The following NRXN1 variants were observed in gnomAD, a reference collection of about 807,000 sequenced individuals.
NRXN1 encodes neurexin-1.
Under a neutral mutation model 150.9 loss-of-function variants are expected in NRXN1, and 39 were observed. The observed-to-expected ratio is 0.26, with a 90% CI of 0.20 to 0.34. The LOEUF (loss-of-function observed/expected upper bound fraction) is 0.34. Among genes scored for constraint, NRXN1 ranks in the 10% least tolerant of loss-of-function variants. The pLI, the probability that NRXN1 is intolerant of heterozygous loss-of-function variation, is 1.00. For missense variants in NRXN1, 1,815 were observed against 1,949.9 expected, an observed-to-expected ratio of 0.93 and a Z score of 1.30; for synonymous variants, 924 against 757.0, an observed-to-expected ratio of 1.22 and a Z score of -3.62.
At chr2:50,371,939 T>C (rs1479195185) in intron 17 of NRXN1, among the ~76,000 whole-genome samples, 1 of 152,030 alleles carries the variant, frequency 6.6e-6, no homozygotes, top group East Asian at 1.9e-4. Flanking sequence ...GTTATCATGG[T>C]TCAAAGCTTG....
chr2:50,834,165 G>C (rs978380105), intron 5 of NRXN1, among the ~76,000 whole-genome samples: 1 of 151,976 alleles, frequency 6.6e-6, no homozygotes, highest in Non-Finnish European at 1.5e-5. Flanking sequence ...AAAAAACTGA[G>C]AAGTAGTCAA....
chr2:49,927,862 A>C (rs943797480), intron 22 of NRXN1, among the ~76,000 whole-genome samples: 3 of 152,126 alleles, frequency 2.0e-5, no homozygotes, highest in Non-Finnish European at 4.4e-5. Context: ...CTTCCACTGT[A>C]ATCTTATATA....
intron 18 of NRXN1, among the ~76,000 whole-genome samples, chr2:50,182,495 A>G (rs888023969): frequency 1.3e-5 from 2 of 151,938 alleles, no homozygotes; most frequent in African/African-American, 4.8e-5. Flanking sequence ...GGCTCTCAAT[A>G]TGTTTGGATT....
intron 21 of NRXN1, among the ~76,000 whole-genome samples, chr2:49,947,419 G>A (rs1037246129): frequency 1.3e-5 from 2 of 151,466 alleles, no homozygotes; most frequent in Non-Finnish European, 1.5e-5. Context: ...GGAATTCTGA[G>A]GTCTGCTACT....
chr2:50,417,481 A>G (rs2083627434), intron 17 of NRXN1, among the ~76,000 whole-genome samples: 1 of 151,948 alleles, frequency 6.6e-6, no homozygotes, highest in African/African-American at 2.4e-5. Context: ...ATTTTTGACA[A>G]TGTTAAAACC....
intron 5 of NRXN1, among the ~76,000 whole-genome samples, chr2:50,764,947 C>A (rs1480088692): frequency 6.6e-6 from 1 of 151,974 alleles, no homozygotes; most frequent in Non-Finnish European, 1.5e-5. Flanking sequence ...ATGGAATTTG[C>A]AGAATCACTT....
At chr2:50,843,849 C>T (rs185835820) in intron 5 of NRXN1, among the ~76,000 whole-genome samples, 81 of 152,290 alleles carry the variant, frequency 5.3e-4, no homozygotes, top group Non-Finnish European at 9.3e-4. Flanking sequence ...TTCCCTCAAA[C>T]GTCTCACAAT....
intron 8 of NRXN1, among the ~76,000 whole-genome samples, chr2:50,609,713 T>C (rs954439114): frequency 1.3e-5 from 2 of 152,284 alleles, no homozygotes; most frequent in South Asian, 4.1e-4. Flanking sequence ...TTGTTATTCC[T>C]GTTTAATTCA....
intron 9 of NRXN1, among the ~76,000 whole-genome samples, chr2:50,541,869 C>A (rs890818159): frequency 1.3e-5 from 2 of 152,084 alleles, no homozygotes; most frequent in African/African-American, 4.8e-5. Context: ...TGTTGTAACC[C>A]ATGGTACAAA....
At chr2:50,828,250 G>A (rs911625172) in intron 5 of NRXN1, among the ~76,000 whole-genome samples, 2 of 149,290 alleles carry the variant, frequency 1.3e-5, no homozygotes, top group African/African-American at 4.9e-5. Context: ...CTCCCGGACG[G>A]GGCGGCTGGC....
At chr2:50,796,383 C>T (rs1046385056) in intron 5 of NRXN1, among the ~76,000 whole-genome samples, 3 of 152,128 alleles carry the variant, frequency 2.0e-5, no homozygotes, top group African/African-American at 7.2e-5. Flanking sequence ...CTTCTGGCCA[C>T]ACGGGTAATA....
At chr2:50,559,607 A>T (rs1485801825) in intron 8 of NRXN1, among the ~76,000 whole-genome samples, 1 of 152,190 alleles carries the variant, frequency 6.6e-6, no homozygotes, top group African/African-American at 2.4e-5. Flanking sequence ...CAACACATAT[A>T]CACATAGACA....
At chr2:50,022,977 A>C (rs2152561371) in intron 21 of NRXN1, 1 of 152,322 alleles carries the variant, frequency 6.6e-6, no homozygotes, top group Admixed American at 6.5e-5. Context: ...TGCTGAAATT[A>C]AGTAGTACTA....
chr2:50,935,912 A>G (rs1688477552), intron 2 of NRXN1, among the ~76,000 whole-genome samples: 1 of 152,138 alleles, frequency 6.6e-6, no homozygotes, highest in South Asian at 2.1e-4. Flanking sequence ...TTCCAAGTCT[A>G]TTTTCAGTGT....
rs1451723514 is a variant in NRXN1 at position 50,716,864 on chromosome 2, T to C, written c.833-93249A>G. Among the ~76,000 whole-genome samples, 7 of 152,302 alleles carry C rather than the reference T, an allele frequency of 4.6e-5. No homozygotes were observed. In the South Asian group the frequency reaches 1.4e-3, roughly 32 times the overall value. ...AATTTAACAATAATTCCTATAATAT[T>C]TTATGATGTCTCTTCTATTAGTTGC... On this transcript the variant is annotated intron_variant, in intron 5 of 22. Transcript: ENST00000401669.
intron 17 of NRXN1, among the ~76,000 whole-genome samples, chr2:50,408,909 T>C (rs1004321847): frequency 2.7e-5 from 4 of 149,754 alleles, no homozygotes; most frequent in African/African-American, 7.3e-5. Flanking sequence ...CTGCACCTTT[T>C]CAGAACATCA....
chr2:50,058,049 A>G (rs1693920755), intron 19 of NRXN1, among the ~76,000 whole-genome samples: 1 of 152,226 alleles, frequency 6.6e-6, no homozygotes, highest in Non-Finnish European at 1.5e-5. Context: ...TTTTAAAAAG[A>G]TCACATAAAC....
At chr2:50,527,844 C>T (rs567445726) in intron 12 of NRXN1, among the ~76,000 whole-genome samples, 1 of 152,222 alleles carries the variant, frequency 6.6e-6, no homozygotes, top group East Asian at 1.9e-4. Flanking sequence ...ATTTAAATTG[C>T]TGATGACTTT....
At chr2:50,876,729 T>A (rs948014730) in intron 5 of NRXN1, among the ~76,000 whole-genome samples, 2 of 151,838 alleles carry the variant, frequency 1.3e-5, no homozygotes, top group African/African-American at 4.8e-5. Context: ...AATCTCCACA[T>A]TTGCCTACCG....
Sources: gnomAD v4.1 joint callset for allele counts (sites outside exome capture counted in the v4.1 genomes callset) on GRCh38, gnomAD v4.1.1 for gene constraint, MANE v1.5 for transcripts, NCBI Gene and HGNC (gene_info 2026-07-23, HGNC 2026-07-21) for gene names.